Variants in RTN3 observed in about 807,000 individuals in gnomAD.
RTN3 encodes reticulon 3, also known as reticulon-3.
Under a neutral mutation model 77.8 loss-of-function variants are expected in RTN3, and 49 were observed. That is an observed-to-expected ratio of 0.63 (90% CI 0.50 to 0.80). The LOEUF is 0.80. Ranked by LOEUF, RTN3 falls within the 30% of genes least tolerant of loss-of-function variation. RTN3 has a pLI of 0.00. For synonymous variants in RTN3, 464 were observed against 446.9 expected, an observed-to-expected ratio of 1.04 and a Z score of -0.48; for missense variants, 1,236 against 1,211.9, an observed-to-expected ratio of 1.02 and a Z score of -0.29.
At chr11:63,698,861 A>G (rs1375777175) in intron 1 of RTN3, 2 of 159,752 alleles carry the variant, frequency 1.3e-5, no homozygotes, top group African/African-American at 4.8e-5. Context: ...TTCTCACCCA[A>G]ATGTTAATTC....
intron 3 of RTN3, among the ~76,000 whole-genome samples, chr11:63,744,685 TAAAAG>T (rs986034496): frequency 1.9e-4 from 29 of 152,094 alleles, no homozygotes; most frequent in Admixed American, 1.5e-3. Context: ...TACATGAAAA[TAAAAG>T]AGAATGAAAA....
chr11:63,713,310 A>G (rs535608246), intron 2 of RTN3, among the ~76,000 whole-genome samples: 1 of 152,110 alleles, frequency 6.6e-6, no homozygotes, highest in East Asian at 1.9e-4. Context: ...CTCTTACCAT[A>G]TATCGATTCT....
Position 63,756,163 on chromosome 11 carries a change from G to A in RTN3, c.3046G>A (p.Val1016Ile). ...GIARDQTKSI[V>I]EKIQAKLPGI... ...CGCCCGAGATCAGACCAAGTCAATT[G>A]TTGAAAAGTAAGTACATTTAGAGAC... Residue 1016 changes from valine (V) to isoleucine (I), a missense_variant, in exon 8 of 9, where the codon GTT becomes ATT. By Grantham distance (29) the Val-to-Ile change is conservative. This residue lies in a region of RTN3 where 141 missense variants were observed against 154.9 expected (regional missense o/e 0.91). Coordinates refer to ENST00000377819, the MANE Select transcript of RTN3 (RefSeq NM_001265589.2). 6.2e-7 allele frequency: 1 copy of A among 1,611,032 alleles called. No individual in the cohort carries two copies. The highest frequency in any genetic ancestry group is 8.5e-7 in the Non-Finnish European group (1 of 1,177,268).
At chr11:63,726,917 C>T (rs1418625908) in intron 3 of RTN3, among the ~76,000 whole-genome samples, 1 of 144,992 alleles carries the variant, frequency 6.9e-6, no homozygotes, top group Non-Finnish European at 1.5e-5. Context: ...AGGCCAGGCA[C>T]AGTGGCTCAT....
intron 1 of RTN3, among the ~76,000 whole-genome samples, chr11:63,700,472 C>G (rs544591511): frequency 1.3e-5 from 2 of 150,520 alleles, no homozygotes; most frequent in East Asian, 3.9e-4. Flanking sequence ...TTTGTGGAGA[C>G]AGGATCTCAC....
chr11:63,720,569 T>A lies in RTN3; in HGVS notation c.2067T>A (p.Pro689=). ...TGACAGACTTTAAAACAACTCCTCC[T>A]GTAGAAGTCTTACATGAAAATGAGT... ...EKMTDFKTTP[P]VEVLHENESG... Residue 689 remains proline, a synonymous_variant, in exon 3 of 9, where the codon CCT becomes CCA. Transcript: ENST00000377819. 1 of 1,614,126 alleles carries A rather than the reference T, an allele frequency of 6.2e-7. No homozygotes were observed. The highest frequency in any genetic ancestry group is 8.5e-7 in the Non-Finnish European group (1 of 1,179,998).
rs143383370 is a variant in RTN3, at chr11:63,726,601, G to A, written c.2530+5569G>A. 2.1e-3 allele frequency among the ~76,000 whole-genome samples: 318 copies of A among 152,314 alleles called. 1 individual carries two copies. The highest frequency in any genetic ancestry group is 7.2e-3 in the African/African-American group (298 of 41,586). ...AACTGGGCCGGGTGCAATGGCCCAC[G>A]CCTGTAATCCCAGCACTTTGGGAGG... On this transcript the variant is annotated intron_variant, in intron 3 of 8. Transcript: ENST00000377819.
chr11:63,753,841 C>A, intron 7 of RTN3, 133 bp downstream of exon 7: 1 of 760,678 alleles, frequency 1.3e-6, no homozygotes, highest in South Asian at 2.2e-5. Context: ...GAGTCAAGTG[C>A]CTATAAGAAA....
At chr11:63,707,331 T>C (rs183297474) in intron 2 of RTN3, among the ~76,000 whole-genome samples, 1 of 152,124 alleles carries the variant, frequency 6.6e-6, no homozygotes. Flanking sequence ...TTTTAATCCC[T>C]GGTTAACAAC....
intron 3 of RTN3, among the ~76,000 whole-genome samples, chr11:63,726,051 A>G (rs998890557): frequency 1.3e-5 from 2 of 152,136 alleles, no homozygotes; most frequent in Non-Finnish European, 2.9e-5. Context: ...AAGATTCCAT[A>G]AAGAAAAAAA....
Position 63,720,328 on chromosome 11 carries a change from C to T in RTN3, c.1826C>T (p.Pro609Leu), listed in dbSNP as rs1282203211. The change falls in exon 3 of 9, where the codon CCC (proline) becomes CTC (leucine). Residue 609 changes from proline to leucine, a missense_variant. By Grantham distance (98) the Pro-to-Leu change is moderately conservative. Around this residue, in one of 3 missense-constraint regions of RTN3, gnomAD observed 1,056 missense variants for 990.4 expected, o/e 1.07. Coordinates refer to ENST00000377819, the MANE Select transcript of RTN3 (RefSeq NM_001265589.2). ...APEKPITTEN[P>L]KLPSTVSPNV... ...GAAAAGCCTATTACTACTGAGAACC[C>T]CAAACTTCCTTCAACAGTGTCTCCA... 2 of 1,613,816 alleles carry T rather than the reference C, an allele frequency of 1.2e-6. No homozygotes were observed. The highest frequency in any genetic ancestry group is 2.2e-5 in the East Asian group (1 of 44,868).
intron 1 of RTN3, among the ~76,000 whole-genome samples, chr11:63,692,655 G>GGA (rs2134650341): frequency 6.6e-6 from 1 of 152,140 alleles, no homozygotes; most frequent in East Asian, 1.9e-4. Context: ...CAGCTACTCG[G>GGA]GAGACTGAGG....
chr11:63,696,579 T>C (rs1941952213), intron 1 of RTN3, among the ~76,000 whole-genome samples: 1 of 135,358 alleles, frequency 7.4e-6, no homozygotes. Context: ...GGAGTCTTGC[T>C]CTGTTGCCCA....
At chr11:63,714,756 TC>T (rs1260323287) in intron 2 of RTN3, among the ~76,000 whole-genome samples, 1 of 152,036 alleles carries the variant, frequency 6.6e-6, no homozygotes, top group East Asian at 1.9e-4. Context: ...CAAGCAATTT[TC>T]CCTCCTGTGC....
Position 63,742,064 on chromosome 11 carries a change from C to T in RTN3, c.2531-7927C>T, listed in dbSNP as rs200760793. Among the ~76,000 whole-genome samples, 25 of 150,886 alleles carry T rather than the reference C, an allele frequency of 1.7e-4. No individual in the cohort carries two copies. The East Asian group carries it at 5.0e-3, about 30-fold the overall frequency. On this transcript the variant is annotated intron_variant, in intron 3 of 8. Transcript: ENST00000377819. ...GCGCGATCTCAGCTCACTGCAAGCTCCACCTCCTGGGTTCACGCCATTCTC... is the reference window on the plus strand; with the variant it reads ...GCGCGATCTCAGCTCACTGCAAGCTTCACCTCCTGGGTTCACGCCATTCTC...
chr11:63,712,483 A>ATT (rs34923509), intron 2 of RTN3, among the ~76,000 whole-genome samples: 3 of 90,390 alleles, frequency 3.3e-5, no homozygotes, highest in African/African-American at 8.2e-5. Context: ...AAGGACTTTG[A>ATT]TTTTTTTTTT....
chr11:63,694,641 A>G (rs1053711371), intron 1 of RTN3, among the ~76,000 whole-genome samples: 1 of 151,396 alleles, frequency 6.6e-6, no homozygotes, highest in South Asian at 2.1e-4. Context: ...GTATTTTTCT[A>G]GAGACGAGGT....
Position 63,720,247 on chromosome 11 carries a change from G to A in RTN3, c.1745G>A (p.Cys582Tyr), listed in dbSNP as rs1224211181. 1.9e-6 allele frequency: 3 copies of A among 1,613,976 alleles called. No homozygotes were observed. Among genetic ancestry groups the A allele is most frequent in the Non-Finnish European group, 2.5e-6 (3 of 1,180,014 alleles). ...AGGAGTCCAGCTAGTGAGGCAGCAT[G>A]TTCAAAAGTACCCGATACGAATGTC... ...LGRSPASEAA[C>Y]SKVPDTNVSL... Residue 582 changes from cysteine (C) to tyrosine (Y), a missense_variant, in exon 3 of 9, where the codon TGT becomes TAT. Around this residue, in one of 3 missense-constraint regions of RTN3, gnomAD observed 1,056 missense variants for 990.4 expected, o/e 1.07. Transcript: ENST00000377819.
intron 1 of RTN3, among the ~76,000 whole-genome samples, chr11:63,689,795 T>C (rs1941560235): frequency 6.6e-6 from 1 of 151,968 alleles, no homozygotes; most frequent in Non-Finnish European, 1.5e-5. Context: ...TCCCCCTCTG[T>C]TGCTCAGGCT....
Sources: allele counts gnomAD v4.1 joint callset (sites outside exome capture counted in the v4.1 genomes callset), GRCh38; gene constraint gnomAD v4.1.1; regional missense constraint gnomAD v4.1.1; transcripts MANE v1.5; gene names NCBI Gene and HGNC (gene_info 2026-07-23, HGNC 2026-07-21).